ABTB2: variants seen among roughly 807,000 people sequenced by gnomAD.
The protein encoded by ABTB2 is ankyrin repeat and BTB/POZ domain-containing protein 2.
In ABTB2, 56 loss-of-function variants were observed where a neutral mutation model predicts 104.1. The observed-to-expected ratio is 0.54, with a 90% CI of 0.43 to 0.67. The LOEUF (loss-of-function observed/expected upper bound fraction) is 0.67. Among genes scored for constraint, ABTB2 ranks in the 30% least tolerant of loss-of-function variants. ABTB2 has a pLI of 0.00. For missense variants in ABTB2, 1,279 were observed against 1,407.7 expected (o/e 0.91, Z 1.46); for synonymous variants, 606 against 608.2 (o/e 1.00, Z 0.05).
At chr11:34,210,972 C>T (rs1394122893) in intron 1 of ABTB2, among the ~76,000 whole-genome samples, 2 of 152,154 alleles carry the variant, frequency 1.3e-5, no homozygotes, top group Non-Finnish European at 2.9e-5. Context: ...TGTTTCCATT[C>T]TCTGATCTGG....
Position 34,161,586 on chromosome 11 carries a change from G to A in ABTB2, c.2219-505C>T, listed in dbSNP as rs116985320. 7.8e-3 allele frequency among the ~76,000 whole-genome samples: 1,187 copies of A among 152,266 alleles called. 10 individuals carry two copies. The highest frequency in any genetic ancestry group is 0.014 in the Non-Finnish European group (922 of 68,006). ...CTGCACGGAAGCTTGAAACGAACCC[G>A]GTCCTATCACGAGGGGCTCTCCAGC... On this transcript the variant is annotated intron_variant, in intron 10 of 16. Coordinates refer to ENST00000435224, the MANE Select transcript of ABTB2 (RefSeq NM_145804.3).
intron 1 of ABTB2, among the ~76,000 whole-genome samples, chr11:34,208,645 C>T (rs992535591): frequency 6.6e-6 from 1 of 152,082 alleles, no homozygotes; most frequent in Non-Finnish European, 1.5e-5. Context: ...CTTGCCCAAC[C>T]CTTGAATCTC....
chr11:34,261,026 G>A (rs990340525), intron 1 of ABTB2, among the ~76,000 whole-genome samples: 1 of 152,134 alleles, frequency 6.6e-6, no homozygotes, highest in Non-Finnish European at 1.5e-5. Context: ...GGGAAGCTGA[G>A]GTGGAAGAAT....
At chr11:34,337,257 C>T (rs558058375) in intron 1 of ABTB2, among the ~76,000 whole-genome samples, 1 of 152,310 alleles carries the variant, frequency 6.6e-6, no homozygotes, top group South Asian at 2.1e-4. Flanking sequence ...GAGTTGCATG[C>T]AGGGGCTGTG....
intron 1 of ABTB2, among the ~76,000 whole-genome samples, chr11:34,270,764 G>A (rs1157221918): frequency 2.0e-5 from 3 of 152,224 alleles, no homozygotes; most frequent in African/African-American, 7.2e-5. Context: ...GGGGGCAGAT[G>A]CTATTCAGCT....
chr11:34,215,661 C>T (rs1372569988), intron 1 of ABTB2, among the ~76,000 whole-genome samples: 1 of 152,184 alleles, frequency 6.6e-6, no homozygotes, highest in Admixed American at 6.5e-5. Flanking sequence ...CTCTGAGCCA[C>T]AATTTGTTTC....
intron 1 of ABTB2, among the ~76,000 whole-genome samples, chr11:34,212,695 C>T (rs913509174): frequency 6.6e-6 from 1 of 152,172 alleles, no homozygotes; most frequent in Non-Finnish European, 1.5e-5. Flanking sequence ...GCACTCACCA[C>T]CCCATCAGCA....
intron 1 of ABTB2, among the ~76,000 whole-genome samples, chr11:34,309,945 C>A (rs1854829816): frequency 1.3e-5 from 2 of 152,192 alleles, no homozygotes; most frequent in South Asian, 2.1e-4. Flanking sequence ...ATTTTGGATT[C>A]TTTTCCTTAA....
intron 2 of ABTB2, among the ~76,000 whole-genome samples, chr11:34,203,719 C>T (rs1479811667): frequency 6.6e-6 from 1 of 152,180 alleles, no homozygotes; most frequent in Non-Finnish European, 1.5e-5. Context: ...GAAGCCATGA[C>T]CTGAAGAAAC....
intron 1 of ABTB2, among the ~76,000 whole-genome samples, chr11:34,348,523 G>T (rs1855360808): frequency 6.6e-6 from 1 of 152,054 alleles, no homozygotes; most frequent in South Asian, 2.1e-4. Flanking sequence ...GCCTCTGGGG[G>T]CTCTGCATCC....
At chr11:34,270,609 G>A (rs1243677863) in intron 1 of ABTB2, among the ~76,000 whole-genome samples, 1 of 152,174 alleles carries the variant, frequency 6.6e-6, no homozygotes, top group Non-Finnish European at 1.5e-5. Flanking sequence ...CAAAGTGCTG[G>A]GATTACAGGC....
chr11:34,166,417 G>T (rs1852800981), intron 7 of ABTB2, among the ~76,000 whole-genome samples: 1 of 152,260 alleles, frequency 6.6e-6, no homozygotes, highest in Admixed American at 6.5e-5. Flanking sequence ...AGCCCTGCAG[G>T]CCCAGTCTGA....
At chr11:34,184,796 C>CCCCATGTGG (rs1270816192) in intron 3 of ABTB2, among the ~76,000 whole-genome samples, 2 of 152,256 alleles carry the variant, frequency 1.3e-5, no homozygotes, top group African/African-American at 4.8e-5. Context: ...CTGGCCACGC[C>CCCCATGTGG]CCACCCATGG....
At chr11:34,199,839 T>C (rs1160049585) in intron 2 of ABTB2, among the ~76,000 whole-genome samples, 1 of 152,180 alleles carries the variant, frequency 6.6e-6, no homozygotes, top group Non-Finnish European at 1.5e-5. Flanking sequence ...ACAGAGTAAG[T>C]ATTTGGTAGG....
chr11:34,240,741 C>T (rs1011295806), intron 1 of ABTB2, among the ~76,000 whole-genome samples: 4 of 151,504 alleles, frequency 2.6e-5, no homozygotes, highest in South Asian at 2.1e-4. Flanking sequence ...TACAGGCATC[C>T]GCCACCACAC....
intron 1 of ABTB2, among the ~76,000 whole-genome samples, chr11:34,257,545 C>A (rs996525601): frequency 2.0e-5 from 3 of 152,218 alleles, no homozygotes; most frequent in Non-Finnish European, 4.4e-5. Flanking sequence ...GTCACTAACC[C>A]ACACAATCAT....
intron 1 of ABTB2, among the ~76,000 whole-genome samples, chr11:34,205,297 C>T (rs926281475): frequency 1.3e-5 from 2 of 152,196 alleles, no homozygotes; most frequent in South Asian, 2.1e-4. Flanking sequence ...AAGAAGGGGA[C>T]GTGTCCTAGC....
rs574521957 is a variant in ABTB2 at position 34,166,633 on chromosome 11, C to T, written c.1755+626G>A. On this transcript the variant is annotated intron_variant, in intron 7 of 16. Coordinates refer to ENST00000435224, the MANE Select transcript of ABTB2 (RefSeq NM_145804.3). ...CTGGAAGGGGTGCCATGAAACCCTG[C>T]GCATGCCAGCGATCTGAGGACCTGG... Among the ~76,000 whole-genome samples the T allele has an allele frequency of 7.9e-5, 12 of 152,354 alleles. 1 individual carries two copies. The highest frequency in any genetic ancestry group is 6.2e-4 in the South Asian group (3 of 4,832).
chr11:34,221,004 C>CT (rs1853614626), intron 1 of ABTB2, among the ~76,000 whole-genome samples: 1 of 151,288 alleles, frequency 6.6e-6, no homozygotes, highest in Admixed American at 6.6e-5. Context: ...GAGTCTGACT[C>CT]TGTCATGCAG....
Sources: gnomAD v4.1 joint callset for allele counts (sites outside exome capture counted in the v4.1 genomes callset) on GRCh38, gnomAD v4.1.1 for gene constraint, MANE v1.5 for transcripts, NCBI Gene and HGNC (gene_info 2026-07-23, HGNC 2026-07-21) for gene names.